SNX3: variants seen among roughly 807,000 people sequenced by gnomAD.
SNX3 encodes sorting nexin 3.
In SNX3, 5 loss-of-function variants were observed where a neutral mutation model predicts 17.7. That is an observed-to-expected ratio of 0.28 (90% confidence interval 0.15 to 0.59). The LOEUF (loss-of-function observed/expected upper bound fraction) is 0.59. Ranked by LOEUF, SNX3 falls within the 20% of genes least tolerant of loss-of-function variation. The pLI is 0.88. For missense variants in SNX3, 132 were observed against 206.8 expected, an observed-to-expected ratio of 0.64 and a Z score of 2.22; for synonymous variants, 91 against 76.5, an observed-to-expected ratio of 1.19 and a Z score of -0.99.
At chr6:108,239,907 C>G (rs1163819815) in intron 1 of SNX3, among the ~76,000 whole-genome samples, 1 of 152,092 alleles carries the variant, frequency 6.6e-6, no homozygotes, top group Admixed American at 6.6e-5. Context: ...TGTTTCTGAG[C>G]ACCTATAAAT....
At chr6:108,227,577 T>C (rs1775013307) in intron 1 of SNX3, among the ~76,000 whole-genome samples, 1 of 152,208 alleles carries the variant, frequency 6.6e-6, no homozygotes, top group South Asian at 2.1e-4. Flanking sequence ...ATAGTTTATA[T>C]ACTTAAATTT....
At position 108,214,543 on chromosome 6, in the gene SNX3, T is replaced by C. The variant is rs556804641; in HGVS notation, c.338A>G (p.Asn113Ser). Residue 113 changes from asparagine (N) to serine (S), a missense_variant, in exon 3 of 4, where the codon AAT (asparagine) becomes AGT (serine). Coordinates refer to ENST00000230085, the MANE Select transcript of SNX3 (RefSeq NM_003795.6). ...CCCTTGTTTTCTTTCCTCAATAAAA[T>C]TGTCATCAAATATTCCATCATCTCC... Reference protein sequence around the residue: ...FRGDDGIFDDNFIEERKQGLE... With the variant: ...FRGDDGIFDDSFIEERKQGLE... The C allele has an allele frequency of 3.2e-5, 51 of 1,613,720 alleles. No individual in the cohort carries two copies. Among genetic ancestry groups the C allele is most frequent in the Middle Eastern group, 1.6e-4 (1 of 6,062 alleles).
chr6:108,215,204 G>A (rs1774530194), intron 2 of SNX3, among the ~76,000 whole-genome samples: 1 of 152,056 alleles, frequency 6.6e-6, no homozygotes. Context: ...CAAAAAATGA[G>A]CCGGGCGTGG....
At chr6:108,220,734 T>C (rs1223118377) in intron 2 of SNX3, among the ~76,000 whole-genome samples, 1 of 152,120 alleles carries the variant, frequency 6.6e-6, no homozygotes, top group Non-Finnish European at 1.5e-5. Flanking sequence ...TCCCAGCACT[T>C]TGGGAGGCCG....
At position 108,223,052 on chromosome 6, in the gene SNX3, C is replaced by G; in HGVS notation, c.163-7G>C. The G allele has an allele frequency of 6.5e-7, 1 of 1,545,070 alleles. No homozygotes were observed. Among genetic ancestry groups the G allele is most frequent in the Non-Finnish European group, 8.9e-7 (1 of 1,125,392 alleles). Reference sequence around the variant, plus strand: ...TGAAAATAGGAAGATTTGTCTGAAACAAAAAAAGTTAGTCCTAAATTGAAG... The same window carrying G: ...TGAAAATAGGAAGATTTGTCTGAAAGAAAAAAAGTTAGTCCTAAATTGAAG... On this transcript the variant is annotated splice_region_variant and splice_polypyrimidine_tract_variant and intron_variant, in intron 1 of 3. Coordinates refer to ENST00000230085, the MANE Select transcript of SNX3 (RefSeq NM_003795.6).
intron 1 of SNX3, among the ~76,000 whole-genome samples, chr6:108,257,782 G>A (rs1293455700): frequency 6.6e-6 from 1 of 151,858 alleles, no homozygotes; most frequent in South Asian, 2.1e-4. Flanking sequence ...TGGTCAACAT[G>A]GTGAAACCCC....
intron 1 of SNX3, among the ~76,000 whole-genome samples, chr6:108,255,280 T>C (rs1220707320): frequency 6.6e-6 from 1 of 152,184 alleles, no homozygotes; most frequent in African/African-American, 2.4e-5. Flanking sequence ...AACATCTCAT[T>C]GGCCAATTGA....
At position 108,211,871 on chromosome 6, in the gene SNX3, C is replaced by T. The variant is rs74416010; in HGVS notation, c.*278G>A. 78 of 244,454 alleles carry T rather than the reference C, an allele frequency of 3.2e-4. 1 individual carries two copies. The East Asian group carries it at 6.5e-3, about 20-fold the overall frequency. The allele number at this position is 244,454 out of a possible 1,614,324, so 15.1% of individuals were successfully genotyped here. On this transcript the variant is annotated 3_prime_UTR_variant, in exon 4 of 4. Coordinates refer to ENST00000230085, the MANE Select transcript of SNX3 (RefSeq NM_003795.6). ...GCCAGTAACTTTAGTTACGACACTG[C>T]AGATTACACTGGAATAACAGGTTTG...
At chr6:108,223,494 GTTCTTTTTT>G (rs1774875042) in intron 1 of SNX3, among the ~76,000 whole-genome samples, 1 of 99,336 alleles carries the variant, frequency 1.0e-5, no homozygotes, top group South Asian at 3.5e-4. Context: ...AACTTTGCTA[GTTCTTTTTT>G]TTTTTTTTTT....
Position 108,260,935 on chromosome 6 carries a change from C to T in SNX3, c.-14G>A. On this transcript the variant is annotated 5_prime_UTR_variant, in exon 1 of 4. Transcript: ENST00000230085. ...GGTCTCCGCCATTTCGCTGTAGCTGCTGCCGCCGCCGCGGGCTCCCTCCGC... is the reference window on the plus strand; with the variant it reads ...GGTCTCCGCCATTTCGCTGTAGCTGTTGCCGCCGCCGCGGGCTCCCTCCGC... The T allele has an allele frequency of 6.4e-7, 1 of 1,555,056 alleles. No individual in the cohort carries two copies. The highest frequency in any genetic ancestry group is 8.7e-7 in the Non-Finnish European group (1 of 1,152,208).
At chr6:108,244,316 T>C (rs1162833591) in intron 1 of SNX3, among the ~76,000 whole-genome samples, 1 of 152,016 alleles carries the variant, frequency 6.6e-6, no homozygotes. Flanking sequence ...CCACCATACC[T>C]AGCTAATTTT....
intron 1 of SNX3, among the ~76,000 whole-genome samples, chr6:108,247,516 T>C (rs1775727343): frequency 6.6e-6 from 1 of 151,652 alleles, no homozygotes; most frequent in Non-Finnish European, 1.5e-5. Context: ...TACTAGTCCA[T>C]GCCACCATGC....
chr6:108,259,382 C>T (rs1006521527), intron 1 of SNX3, among the ~76,000 whole-genome samples: 3 of 152,086 alleles, frequency 2.0e-5, no homozygotes, highest in Admixed American at 2.0e-4. Flanking sequence ...TACAGGCATG[C>T]GCCACCACAC....
At chr6:108,217,102 G>A (rs1490880731) in intron 2 of SNX3, among the ~76,000 whole-genome samples, 2 of 152,054 alleles carry the variant, frequency 1.3e-5, no homozygotes, top group Non-Finnish European at 2.9e-5. Flanking sequence ...TGGAACCACT[G>A]TGTTAAATAA....
rs139472904 is a variant in SNX3 at position 108,219,089 on chromosome 6, C to G, written c.258+3861G>C. Among the ~76,000 whole-genome samples, 21 of 152,284 alleles carry G rather than the reference C, an allele frequency of 1.4e-4. No homozygotes were observed. In the East Asian group the frequency reaches 4.0e-3, roughly 29 times the overall value. On this transcript the variant is annotated intron_variant, in intron 2 of 3. Transcript: ENST00000230085. The stretch of plus-strand genomic sequence containing the variant: ...AAAAGCGGTCGGGCGGGGTGGCTCA[C>G]GCCTGTAATCCCAGCACTTCGGGAG...
chr6:108,250,552 G>A (rs1450065237), intron 1 of SNX3, among the ~76,000 whole-genome samples: 2 of 152,140 alleles, frequency 1.3e-5, no homozygotes, highest in African/African-American at 4.8e-5. Context: ...AAGACCTGGT[G>A]ATATACACAT....
intron 1 of SNX3, among the ~76,000 whole-genome samples, chr6:108,243,754 G>T (rs186978634): frequency 1.5e-4 from 23 of 152,246 alleles, no homozygotes; most frequent in African/African-American, 5.1e-4. Context: ...TCAACATGGT[G>T]AATCTCCGTC....
chr6:108,244,220 A>G (rs1475523230), intron 1 of SNX3, among the ~76,000 whole-genome samples: 1 of 151,958 alleles, frequency 6.6e-6, no homozygotes, highest in African/African-American at 2.4e-5. Flanking sequence ...CAGCAGTGCA[A>G]TCCTGGCCTA....
At chr6:108,221,511 T>C (rs1258056404) in intron 2 of SNX3, among the ~76,000 whole-genome samples, 1 of 143,938 alleles carries the variant, frequency 6.9e-6, no homozygotes, top group African/African-American at 2.5e-5. Context: ...AATACAGTAT[T>C]ACAAGGAATA....
Sources: gnomAD v4.1 joint callset for allele counts (sites outside exome capture counted in the v4.1 genomes callset) on GRCh38, gnomAD v4.1.1 for gene constraint, MANE v1.5 for transcripts, NCBI Gene and HGNC (gene_info 2026-07-23, HGNC 2026-07-21) for gene names.